The following TSC22D1 variants were observed in gnomAD, a reference collection of about 807,000 sequenced individuals.
TSC22D1 encodes the protein TSC22 domain family member 1.
Under a neutral mutation model 74.2 loss-of-function variants are expected in TSC22D1, and 9 were observed. The ratio of observed to expected loss-of-function variants is 0.12; its 90% CI spans 0.07 to 0.21. The LOEUF (loss-of-function observed/expected upper bound fraction) is 0.21. Ranked by LOEUF, TSC22D1 falls within the 10% of genes least tolerant of loss-of-function variation. The pLI is 1.00. For synonymous variants in TSC22D1, 586 were observed against 492.5 expected, an observed-to-expected ratio of 1.19 and a Z score of -2.51; for missense variants, 1,427 against 1,304.7, an observed-to-expected ratio of 1.09 and a Z score of -1.44.
chr13:44,572,000 AACAT>A (rs1883800487), intron 1 of TSC22D1, among the ~76,000 whole-genome samples: 1 of 152,188 alleles, frequency 6.6e-6, no homozygotes, highest in African/African-American at 2.4e-5. Flanking sequence ...AAAACCCACA[AACAT>A]ACATATAGAA....
At chr13:44,518,440 A>G (rs1880157225) in intron 1 of TSC22D1, among the ~76,000 whole-genome samples, 1 of 152,172 alleles carries the variant, frequency 6.6e-6, no homozygotes, top group South Asian at 2.1e-4. Context: ...TTGGTTTAAT[A>G]TTTATCTAAG....
chr13:44,537,368 A>G, intron 1 of TSC22D1: 1 of 985,202 alleles, frequency 1.0e-6, no homozygotes, highest in Non-Finnish European at 1.2e-6. Flanking sequence ...GTGACTAGAA[A>G]TGCACTTACA....
chr13:44,460,083 A>C (rs1361529717), intron 1 of TSC22D1, among the ~76,000 whole-genome samples: 1 of 152,236 alleles, frequency 6.6e-6, no homozygotes, highest in Admixed American at 6.5e-5. Flanking sequence ...CGACACCCCA[A>C]GGATCCTGTG....
chr13:44,433,905 A>C lies in TSC22D1; in HGVS notation c.*721T>G, dbSNP rs1043255566. ...CCTCAGACAGCCAATGAAACAACTAAATTTCAATCTGTACAACCTAAATAG... is the reference window on the plus strand; with the variant it reads ...CCTCAGACAGCCAATGAAACAACTACATTTCAATCTGTACAACCTAAATAG... On this transcript the variant is annotated 3_prime_UTR_variant, in exon 3 of 3. Coordinates refer to ENST00000458659, the MANE Select transcript of TSC22D1 (RefSeq NM_183422.4). The C allele has an allele frequency of 1.6e-5, 22 of 1,380,848 alleles. No individual in the cohort carries two copies. In the African/African-American group the frequency reaches 2.4e-4, roughly 15 times the overall value. 85.5% of individuals were successfully genotyped at this position (1,380,848 alleles called of 1,614,324 possible). A position where few individuals can be genotyped will look rare whatever the true frequency, so the allele number is the denominator to read the frequency against.
chr13:44,459,232 T>C (rs565970785), intron 1 of TSC22D1, among the ~76,000 whole-genome samples: 6 of 152,136 alleles, frequency 3.9e-5, no homozygotes, highest in Non-Finnish European at 8.8e-5. Context: ...AGCGACCCAC[T>C]TGGGGTCTGC....
chr13:44,575,841 C>T lies in TSC22D1; in HGVS notation c.234G>A (p.Gln78=). The T allele has an allele frequency of 6.2e-7, 1 of 1,613,938 alleles. No homozygotes were observed. The highest frequency in any genetic ancestry group is 8.5e-7 in the Non-Finnish European group (1 of 1,179,960). ...GGTTCAGGCTTTGTGGAGGCGGAGGCTGTGGTCCCGACGTAGAAGATGCTG... is the reference window on the plus strand; with the variant it reads ...GGTTCAGGCTTTGTGGAGGCGGAGGTTGTGGTCCCGACGTAGAAGATGCTG... ...PPAASSTSGP[Q]PPPPQSLNLL... is the part of the protein sequence containing the mutation. Residue 78 remains glutamine (Q), a synonymous_variant, in exon 1 of 3, where the codon CAG becomes CAA. Transcript: ENST00000458659.
At chr13:44,491,928 T>C (rs958741570) in intron 1 of TSC22D1, among the ~76,000 whole-genome samples, 1 of 152,212 alleles carries the variant, frequency 6.6e-6, no homozygotes. Context: ...AGTTATTTCA[T>C]TTCAGTGGAA....
Position 44,435,807 on chromosome 13 carries a change from G to A in TSC22D1, c.2964+237C>T. The A allele has an allele frequency of 9.0e-6, 5 of 557,486 alleles. No individual in the cohort carries two copies. The South Asian group carries it at 1.0e-4, about 11-fold the overall frequency. The allele number at this position is 557,486 out of a possible 1,614,324, so 34.5% of individuals were successfully genotyped here. A position where few individuals can be genotyped will look rare whatever the true frequency, so the allele number is the denominator to read the frequency against. ...AAAAGGGTCACCGTGAGAAAATCCC[G>A]TCGTGTGAAACCAGTCCGGGGAAGA... On this transcript the variant is annotated intron_variant, in intron 2 of 2. Coordinates refer to ENST00000458659, the MANE Select transcript of TSC22D1 (RefSeq NM_183422.4).
At chr13:44,488,747 G>T (rs1424562786) in intron 1 of TSC22D1, among the ~76,000 whole-genome samples, 1 of 152,084 alleles carries the variant, frequency 6.6e-6, no homozygotes, top group African/African-American at 2.4e-5. Flanking sequence ...AGATACCATT[G>T]ACAAAAGAAA....
At chr13:44,515,564 A>T (rs868777216) in intron 1 of TSC22D1, among the ~76,000 whole-genome samples, 1 of 152,090 alleles carries the variant, frequency 6.6e-6, no homozygotes, top group African/African-American at 2.4e-5. Context: ...CAGACTCCCA[A>T]GTAGCTGGAA....
chr13:44,467,374 G>A lies in TSC22D1; in HGVS notation c.2913-31279C>T, dbSNP rs542714686. Among the ~76,000 whole-genome samples the A allele has an allele frequency of 1.8e-4, 27 of 152,092 alleles. 1 individual carries two copies. In the South Asian group the frequency reaches 5.0e-3, roughly 28 times the overall value. On this transcript the variant is annotated intron_variant, in intron 1 of 2. Coordinates refer to ENST00000458659, the MANE Select transcript of TSC22D1 (RefSeq NM_183422.4). ...TATCACTAAGATCCCAAAAGCAAGT[G>A]TAACAAAAACAAAAATAAATAAATG...
At chr13:44,450,883 A>T (rs1399575204) in intron 1 of TSC22D1, among the ~76,000 whole-genome samples, 2 of 152,166 alleles carry the variant, frequency 1.3e-5, no homozygotes, top group Non-Finnish European at 2.9e-5. Context: ...TAGGCAAGAG[A>T]TGGTGGAGCT....
At chr13:44,484,874 T>C (rs552425651) in intron 1 of TSC22D1, among the ~76,000 whole-genome samples, 5 of 152,318 alleles carry the variant, frequency 3.3e-5, no homozygotes, top group East Asian at 3.9e-4. Flanking sequence ...TTGTAGAAAA[T>C]ACATGAGCAT....
chr13:44,572,500 G>A (rs1883838192), intron 1 of TSC22D1, among the ~76,000 whole-genome samples: 1 of 152,118 alleles, frequency 6.6e-6, no homozygotes, highest in Non-Finnish European at 1.5e-5. Context: ...AAGAAAAAAT[G>A]TTCAGCATAC....
chr13:44,512,161 GTTTGT>G (rs1277796855), intron 1 of TSC22D1, among the ~76,000 whole-genome samples: 2 of 151,748 alleles, frequency 1.3e-5, no homozygotes, highest in Non-Finnish European at 1.5e-5. Flanking sequence ...TTTTTTGTTT[GTTTGT>G]TTTCTTTTTT....
intron 1 of TSC22D1, among the ~76,000 whole-genome samples, chr13:44,504,930 G>A (rs990531055): frequency 2.0e-5 from 3 of 152,120 alleles, no homozygotes; most frequent in African/African-American, 7.2e-5. Flanking sequence ...TAGTGCTCTT[G>A]AAAGAAAATT....
intron 1 of TSC22D1, among the ~76,000 whole-genome samples, chr13:44,462,438 T>G (rs917547746): frequency 4.6e-5 from 7 of 152,192 alleles, no homozygotes; most frequent in Admixed American, 3.3e-4. Context: ...GAAGTACTGA[T>G]ATATTTCTAA....
intron 1 of TSC22D1, among the ~76,000 whole-genome samples, chr13:44,478,261 A>G (rs1878016924): frequency 6.6e-6 from 1 of 152,184 alleles, no homozygotes; most frequent in Non-Finnish European, 1.5e-5. Flanking sequence ...ACATTTCTGT[A>G]TGTTTTATAC....
intron 1 of TSC22D1, among the ~76,000 whole-genome samples, chr13:44,463,232 T>G (rs1595096495): frequency 6.6e-6 from 1 of 152,172 alleles, no homozygotes; most frequent in Non-Finnish European, 1.5e-5. Flanking sequence ...TAAATAGACA[T>G]AAAAGCTACA....
Sources: allele counts gnomAD v4.1 joint callset (sites outside exome capture counted in the v4.1 genomes callset), GRCh38; gene constraint gnomAD v4.1.1; transcripts MANE v1.5; gene names NCBI Gene and HGNC (gene_info 2026-07-23, HGNC 2026-07-21).